RAPGEF2: variants seen among roughly 807,000 people sequenced by gnomAD.
RAPGEF2 encodes PDZ domain containing guanine nucleotide exchange factor (GEF) 1.
In RAPGEF2, 54 loss-of-function variants were observed where a neutral mutation model predicts 186.7. The observed-to-expected ratio is 0.29, with a 90% confidence interval of 0.23 to 0.36. The LOEUF (loss-of-function observed/expected upper bound fraction) is 0.36, where lower values mean the gene tolerates loss of function less well. RAPGEF2 is among the 10% of genes least tolerant of loss of function. The pLI is 1.00. For synonymous variants in RAPGEF2, 712 were observed against 705.9 expected (o/e 1.01, Z -0.14); for missense variants, 1,532 against 2,045.0 (o/e 0.75, Z 4.84).
chr4:159,238,895 T>C lies in RAPGEF2; in HGVS notation c.357+11T>C. 1 of 1,471,618 alleles carries C rather than the reference T, an allele frequency of 6.8e-7. No homozygotes were observed. The highest frequency in any genetic ancestry group is 8.9e-7 in the Non-Finnish European group (1 of 1,119,446). The allele number at this position is 1,471,618 out of a possible 1,614,324, so 91.2% of individuals were successfully genotyped here. A position where few individuals can be genotyped will look rare whatever the true frequency, so the allele number is the denominator to read the frequency against. On this transcript the variant is annotated intron_variant, in intron 5 of 29. Transcript: ENST00000691494. Reference sequence around the variant, plus strand: ...TCTGAAATGATTGTGGTAAGAGTATTTCTGTGAGGACTATTTTTCCCCTAA... The same window carrying C: ...TCTGAAATGATTGTGGTAAGAGTATCTCTGTGAGGACTATTTTTCCCCTAA...
In RAPGEF2 at chr4:159,241,383, TATA is replaced by T; in HGVS notation, c.525+19_525+21del. The T allele has an allele frequency of 7.5e-7, 1 of 1,326,128 alleles. No individual in the cohort carries two copies. Among genetic ancestry groups the T allele is most frequent in the Non-Finnish European group, 9.7e-7 (1 of 1,034,554 alleles). The allele number at this position is 1,326,128 out of a possible 1,614,324, so 82.1% of individuals were successfully genotyped here. On this transcript the variant is annotated intron_variant, in intron 6 of 29. Transcript: ENST00000691494. ...GCTATCACACGGTAAGTTATACAAGTATAATATTTTTATTTATTTCTAGTTTTT... is the reference window on the plus strand; with the variant it reads ...GCTATCACACGGTAAGTTATACAAGTATATTTTTATTTATTTCTAGTTTTT...
intron 7 of RAPGEF2, among the ~76,000 whole-genome samples, chr4:159,262,195 A>G (rs925156166): frequency 4.6e-5 from 7 of 152,226 alleles, no homozygotes; most frequent in African/African-American, 1.4e-4. Context: ...ACAATATCAG[A>G]TAAGTTTTGT....
chr4:159,204,928 G>A (rs1749817675), intron 3 of RAPGEF2, among the ~76,000 whole-genome samples: 2 of 152,036 alleles, frequency 1.3e-5, no homozygotes, highest in Non-Finnish European at 2.9e-5. Flanking sequence ...CAGGTTATTT[G>A]GAAATCCTCA....
intron 4 of RAPGEF2, among the ~76,000 whole-genome samples, chr4:159,227,252 T>G (rs1752137615): frequency 6.6e-6 from 1 of 152,224 alleles, no homozygotes; most frequent in Non-Finnish European, 1.5e-5. Context: ...ATTCATTATA[T>G]TCATCTGCCA....
intron 1 of RAPGEF2, among the ~76,000 whole-genome samples, chr4:159,142,982 G>A (rs963381398): frequency 1.3e-5 from 2 of 152,154 alleles, no homozygotes; most frequent in African/African-American, 4.8e-5. Context: ...AAGTATTCAA[G>A]AAAAACAAAT....
At chr4:159,241,116 G>A (rs1753937359) in intron 5 of RAPGEF2, 85 bp from the exon 6 acceptor site, 2 of 1,122,390 alleles carry the variant, frequency 1.8e-6, no homozygotes, top group Non-Finnish European at 2.4e-6. Context: ...TTGAATATGG[G>A]TTATCTGTAA....
intron 4 of RAPGEF2, among the ~76,000 whole-genome samples, chr4:159,235,246 T>C (rs1753118813): frequency 6.6e-6 from 1 of 152,248 alleles, no homozygotes; most frequent in African/African-American, 2.4e-5. Context: ...ATTCTTTCCT[T>C]GTGTGTCCAT....
At chr4:159,355,732 C>A (rs77053764) in intron 28 of RAPGEF2, 121 bp from the exon 29 acceptor site, 1 of 945,984 alleles carries the variant, frequency 1.1e-6, no homozygotes, top group Non-Finnish European at 1.6e-6. Context: ...CTAACCGATA[C>A]CATGCAAATG....
chr4:159,240,331 C>CCTTTT (rs1753815474), intron 5 of RAPGEF2, among the ~76,000 whole-genome samples: 1 of 77,610 alleles, frequency 1.3e-5, no homozygotes, highest in South Asian at 4.7e-4. Context: ...AGCATTTCTA[C>CCTTTT]TTTTTTTTTT....
intron 3 of RAPGEF2, among the ~76,000 whole-genome samples, chr4:159,200,319 T>A (rs918732035): frequency 2.6e-5 from 4 of 151,924 alleles, no homozygotes; most frequent in Admixed American, 6.6e-5. Context: ...ATACAAAAAT[T>A]AGCCAGTGTG....
chr4:159,289,086 C>G (rs1262041861), intron 7 of RAPGEF2, among the ~76,000 whole-genome samples: 2 of 151,970 alleles, frequency 1.3e-5, no homozygotes, highest in Admixed American at 1.3e-4. Flanking sequence ...TTACATATTC[C>G]TCCTTTCCCC....
chr4:159,118,437 A>T (rs1182870072), intron 1 of RAPGEF2, among the ~76,000 whole-genome samples: 1 of 152,164 alleles, frequency 6.6e-6, no homozygotes, highest in Non-Finnish European at 1.5e-5. Context: ...TTACAATGTA[A>T]TACAGAAATG....
chr4:159,123,539 CTT>C (rs1194385402), intron 1 of RAPGEF2, among the ~76,000 whole-genome samples: 16 of 133,648 alleles, frequency 1.2e-4, no homozygotes, highest in Admixed American at 3.0e-4. Flanking sequence ...GGATTTTTAT[CTT>C]TTTTTTTTTT....
intron 28 of RAPGEF2, among the ~76,000 whole-genome samples, chr4:159,354,328 A>G (rs905736122): frequency 2.0e-5 from 3 of 152,142 alleles, no homozygotes; most frequent in Non-Finnish European, 4.4e-5. Flanking sequence ...TATCTAGTCT[A>G]ATTTTTTTCT....
intron 7 of RAPGEF2, among the ~76,000 whole-genome samples, chr4:159,294,391 A>T (rs1761639789): frequency 6.6e-6 from 1 of 152,200 alleles, no homozygotes; most frequent in African/African-American, 2.4e-5. Flanking sequence ...TGATCGTACC[A>T]GCAGCTGCCT....
At chr4:159,266,546 A>G (rs1561174454) in intron 7 of RAPGEF2, among the ~76,000 whole-genome samples, 1 of 152,030 alleles carries the variant, frequency 6.6e-6, no homozygotes, top group South Asian at 2.1e-4. Flanking sequence ...TTTTATTTCA[A>G]CTCTCTACCT....
At chr4:159,160,750 T>G (rs1744625312) in intron 1 of RAPGEF2, among the ~76,000 whole-genome samples, 1 of 152,234 alleles carries the variant, frequency 6.6e-6, no homozygotes, top group Non-Finnish European at 1.5e-5. Flanking sequence ...TAAGTGAATT[T>G]GTAGTGCATG....
intron 7 of RAPGEF2, among the ~76,000 whole-genome samples, chr4:159,254,673 A>G (rs557203063): frequency 8.0e-4 from 121 of 150,562 alleles, no homozygotes; most frequent in African/African-American, 2.8e-3. Context: ...AGGTGGCACA[A>G]TCTCCGCTCA....
At chr4:159,205,144 T>A (rs1299399308) in intron 3 of RAPGEF2, among the ~76,000 whole-genome samples, 1 of 152,200 alleles carries the variant, frequency 6.6e-6, no homozygotes, top group Non-Finnish European at 1.5e-5. Context: ...TTGAGACCAT[T>A]TTTTCTGAAA....
Sources: gnomAD v4.1 joint callset for allele counts (sites outside exome capture counted in the v4.1 genomes callset) on GRCh38, gnomAD v4.1.1 for gene constraint, MANE v1.5 for transcripts, NCBI Gene and HGNC (gene_info 2026-07-23, HGNC 2026-07-21) for gene names.